The following METTL3 variants were observed in gnomAD, a reference collection of about 807,000 sequenced individuals.
METTL3 encodes the protein N(6)-adenosine-methyltransferase catalytic subunit METTL3.
In METTL3, 42 loss-of-function variants were observed where a neutral mutation model predicts 64.3. That is an observed-to-expected ratio of 0.65 (90% CI 0.51 to 0.84). The LOEUF (loss-of-function observed/expected upper bound fraction) is 0.84, where lower values mean the gene tolerates loss of function less well. Ranked by LOEUF, METTL3 falls within the 40% of genes least tolerant of loss-of-function variation. METTL3 has a pLI of 0.00. For missense variants in METTL3, 435 were observed against 722.3 expected (o/e 0.60, Z 4.56); for synonymous variants, 256 against 263.6 (o/e 0.97, Z 0.28).
At chr14:21,507,532 G>A (rs1478809465) in intron 1 of METTL3, 1 of 152,086 alleles carries the variant, frequency 6.6e-6, no homozygotes. Context: ...GCATGGTGGT[G>A]GGCACCTTTA....
chr14:21,510,680 G>C, intron 1 of METTL3: 1 of 163,108 alleles, frequency 6.1e-6, no homozygotes, highest in South Asian at 1.4e-4. Context: ...GGGCACTGCG[G>C]ATATAAAGGT....
intron 1 of METTL3, 123 bp downstream of exon 1, chr14:21,511,001 C>A: frequency 9.0e-7 from 1 of 1,109,580 alleles, no homozygotes; most frequent in East Asian, 2.8e-5. Context: ...AGAGGGAGTA[C>A]CAATGTACGA....
intron 1 of METTL3, among the ~76,000 whole-genome samples, chr14:21,508,907 AT>A (rs1349760811): frequency 2.0e-5 from 3 of 152,338 alleles, no homozygotes; most frequent in African/African-American, 7.2e-5. Context: ...AAATAAATAA[AT>A]AAGTATGATG....
At chr14:21,500,085 C>T (rs1594438383) in intron 6 of METTL3, among the ~76,000 whole-genome samples, 2 of 152,136 alleles carry the variant, frequency 1.3e-5, no homozygotes, top group African/African-American at 4.8e-5. Context: ...ACTGGCTGGG[C>T]ATGGTAGCTC....
At chr14:21,502,030 T>TGA in intron 3 of METTL3, 127 bp from the exon 4 acceptor site, 2 of 803,038 alleles carry the variant, frequency 2.5e-6, no homozygotes, top group East Asian at 5.5e-5. Flanking sequence ...TTTTTTTTTT[T>TGA]TTTAAGAGAT....
chr14:21,499,894 T>A (rs1343047212), intron 6 of METTL3, 92 bp from the exon 7 acceptor site: 9 of 1,173,056 alleles, frequency 7.7e-6, no homozygotes, highest in African/African-American at 1.5e-5. Context: ...TAAACACTTT[T>A]TCAGTAGACG....
intron 4 of METTL3, 62 bp from the exon 5 acceptor site, chr14:21,501,191 T>C (rs1229538330): frequency 2.1e-5 from 27 of 1,268,018 alleles, no homozygotes; most frequent in Non-Finnish European, 2.6e-5. Context: ...CAGTTCAAAT[T>C]CCAAATGATT....
intron 1 of METTL3, among the ~76,000 whole-genome samples, chr14:21,505,136 C>G (rs912368943): frequency 6.6e-6 from 1 of 152,040 alleles, no homozygotes. Flanking sequence ...AACCCAGTGT[C>G]TCTAAAGAAA....
At chr14:21,499,453 T>C (rs1334036587) in intron 8 of METTL3, 39 bp downstream of exon 8, 2 of 1,608,584 alleles carry the variant, frequency 1.2e-6, no homozygotes, top group Non-Finnish European at 1.7e-6. Flanking sequence ...GATTCTTCTT[T>C]GTGCTCCACC....
chr14:21,498,422 T>TA, intron 10 of METTL3, 53 bp from the exon 11 acceptor site: 2 of 1,555,604 alleles, frequency 1.3e-6, no homozygotes, highest in Non-Finnish European at 1.8e-6. Flanking sequence ...TTAGAGGGTT[T>TA]AATATTGTTA....
At chr14:21,507,958 T>A (rs187857699) in intron 1 of METTL3, 2 of 152,192 alleles carry the variant, frequency 1.3e-5, no homozygotes, top group Admixed American at 6.5e-5. Flanking sequence ...ACCCCAAAAA[T>A]ACTTTTATAA....
chr14:21,501,172 T>G, intron 4 of METTL3, 43 bp from the exon 5 acceptor site: 1 of 1,448,322 alleles, frequency 6.9e-7, no homozygotes, highest in Non-Finnish European at 9.6e-7. Flanking sequence ...GCTCCAGATG[T>G]AGATCCAACA....
intron 2 of METTL3, 38 bp downstream of exon 2, chr14:21,503,626 A>AAAATAAGTGGT (rs1402832170): frequency 6.2e-7 from 1 of 1,613,784 alleles, no homozygotes; most frequent in Admixed American, 1.7e-5. Context: ...CCGTGAACTG[A>AAAATAAGTGGT]AAATAAGTGG....
intron 5 of METTL3, 41 bp downstream of exon 5, chr14:21,500,872 A>G: frequency 6.3e-7 from 1 of 1,577,588 alleles, no homozygotes; most frequent in Non-Finnish European, 8.7e-7. Flanking sequence ...TATCAAACAT[A>G]AGTCCGTAAG....
intron 1 of METTL3, chr14:21,510,782 C>CA (rs1167576762): frequency 2.7e-5 from 7 of 257,564 alleles, no homozygotes; most frequent in Admixed American, 1.6e-4. Flanking sequence ...AAAGCAGCAA[C>CA]AAAAAGGGGT....
chr14:21,510,561 A>G (rs1260190252), intron 1 of METTL3: 1 of 152,274 alleles, frequency 6.6e-6, no homozygotes, highest in Non-Finnish European at 1.5e-5. Flanking sequence ...TTTGGAAACC[A>G]AACACAAATG....
At chr14:21,509,816 A>G (rs957771630) in intron 1 of METTL3, among the ~76,000 whole-genome samples, 4 of 152,242 alleles carry the variant, frequency 2.6e-5, no homozygotes, top group African/African-American at 9.6e-5. Flanking sequence ...GTATCTATAA[A>G]TAAATCAATG....
intron 6 of METTL3, among the ~76,000 whole-genome samples, chr14:21,500,150 G>A (rs1362625272): frequency 6.6e-6 from 1 of 152,146 alleles, no homozygotes; most frequent in Non-Finnish European, 1.5e-5. Flanking sequence ...ACAAGGTCAG[G>A]AGATAGAGAC....
chr14:21,511,027 G>GAAATGA (rs1891822694), intron 1 of METTL3, 97 bp downstream of exon 1: 12 of 1,388,848 alleles, frequency 8.6e-6, no homozygotes, highest in Non-Finnish European at 9.7e-6. Flanking sequence ...TATAGAAATG[G>GAAATGA]CCGTTTGGTA....
Sources: allele counts gnomAD v4.1 joint callset (sites outside exome capture counted in the v4.1 genomes callset), GRCh38; gene constraint gnomAD v4.1.1; transcripts MANE v1.5; gene names NCBI Gene and HGNC (gene_info 2026-07-23, HGNC 2026-07-21).